NCKAP5: variants seen among roughly 807,000 people sequenced by gnomAD.
The protein encoded by NCKAP5 is nck-associated protein 5.
In NCKAP5, 92 loss-of-function variants were observed where a neutral mutation model predicts 167.0. That is an observed-to-expected ratio of 0.55 (90% confidence interval 0.47 to 0.66). NCKAP5 has a LOEUF of 0.66. Ranked by LOEUF, NCKAP5 falls within the 30% of genes least tolerant of loss-of-function variation. The pLI is 0.00. For synonymous variants in NCKAP5, 891 were observed against 877.4 expected (o/e 1.02, Z -0.27); for missense variants, 2,378 against 2,315.0 (o/e 1.03, Z -0.56).
chr2:132,717,093 T>C (rs765607575), intron 19 of NCKAP5, among the ~76,000 whole-genome samples: 8 of 152,330 alleles, frequency 5.3e-5, no homozygotes, highest in Non-Finnish European at 1.0e-4. Context: ...TTGAGACCCC[T>C]GGTTCTGGCA....
intron 8 of NCKAP5, among the ~76,000 whole-genome samples, chr2:132,921,571 G>C (rs1191002401): frequency 1.3e-5 from 2 of 152,124 alleles, no homozygotes; most frequent in African/African-American, 4.8e-5. Flanking sequence ...GCACAGGAGG[G>C]ATATCTAACC....
intron 3 of NCKAP5, among the ~76,000 whole-genome samples, chr2:133,423,391 T>TCA (rs1689602926): frequency 6.6e-6 from 1 of 152,186 alleles, no homozygotes; most frequent in African/African-American, 2.4e-5. Context: ...TCGCATTGAA[T>TCA]GTTGAATCGT....
intron 8 of NCKAP5, among the ~76,000 whole-genome samples, chr2:132,928,840 C>A (rs1696127013): frequency 6.6e-6 from 1 of 152,048 alleles, no homozygotes; most frequent in South Asian, 2.1e-4. Flanking sequence ...AACTTCAAGA[C>A]TCCTACGTGG....
intron 4 of NCKAP5, among the ~76,000 whole-genome samples, chr2:133,276,470 T>C (rs1284372121): frequency 2.0e-5 from 3 of 151,882 alleles, no homozygotes. Flanking sequence ...TGGAAAAAAC[T>C]TGAAAACATG....
chr2:132,971,740 T>G (rs141224773), intron 7 of NCKAP5, among the ~76,000 whole-genome samples: 1 of 152,218 alleles, frequency 6.6e-6, no homozygotes, highest in Non-Finnish European at 1.5e-5. Flanking sequence ...AACATTTCCT[T>G]ATTTCAATGT....
intron 5 of NCKAP5, among the ~76,000 whole-genome samples, chr2:133,134,672 T>C (rs2082725994): frequency 6.6e-6 from 1 of 152,206 alleles, no homozygotes. Context: ...AGAATGATCT[T>C]GTCTATACCT....
At chr2:133,230,999 T>C (rs893337579) in intron 4 of NCKAP5, among the ~76,000 whole-genome samples, 5 of 152,176 alleles carry the variant, frequency 3.3e-5, no homozygotes, top group African/African-American at 1.2e-4. Flanking sequence ...ATTCCAAATA[T>C]GTTGTAATGA....
At chr2:133,611,674 G>T in the NCKAP5 span, among the ~76,000 whole-genome samples, 1 of 152,164 alleles carries the variant, frequency 6.6e-6, no homozygotes, top group African/African-American at 2.4e-5. Flanking sequence ...AAGGCTGGGT[G>T]GGGTGTGGCA....
chr2:133,322,064 A>G (rs984790242), intron 3 of NCKAP5, among the ~76,000 whole-genome samples: 7 of 152,176 alleles, frequency 4.6e-5, no homozygotes, highest in African/African-American at 1.7e-4. Flanking sequence ...TTCGTCTCAT[A>G]AGTCATTCTG....
rs141976616 is a variant in NCKAP5 at position 133,371,184 on chromosome 2, G to A, written c.70-68074C>T. ...AGTCCCAAATAACAGAGAATCTGCT[G>A]GATTTGCACCAACAAATTTTTGTGC... On this transcript the variant is annotated intron_variant, in intron 3 of 19. Transcript: ENST00000409261. Among the ~76,000 whole-genome samples, 1,338 of 152,250 alleles carry A rather than the reference G, an allele frequency of 8.8e-3. 7 individuals are homozygous for A. The highest frequency in any genetic ancestry group is 0.014 in the Non-Finnish European group (979 of 68,018).
At chr2:132,751,402 A>G (rs576425691) in intron 16 of NCKAP5, among the ~76,000 whole-genome samples, 14 of 152,280 alleles carry the variant, frequency 9.2e-5, no homozygotes, top group Non-Finnish European at 1.6e-4. Flanking sequence ...ACCACAAGCC[A>G]AATAAACCTG....
At chr2:132,700,968 C>A (rs1322104555) in intron 19 of NCKAP5, among the ~76,000 whole-genome samples, 1 of 151,492 alleles carries the variant, frequency 6.6e-6, no homozygotes, top group African/African-American at 2.4e-5. Flanking sequence ...ATAGGGATAT[C>A]CATCCAAGAA....
upstream of NCKAP5, among the ~76,000 whole-genome samples, chr2:133,571,124 C>T (rs13002374): frequency 0.49 from 75,151 of 152,006 alleles, 19,411 homozygotes; most frequent in South Asian, 0.59. Flanking sequence ...TCTTGTCTTA[C>T]TTCATAGTGA....
intron 8 of NCKAP5, among the ~76,000 whole-genome samples, chr2:132,935,543 C>A (rs1382023447): frequency 6.6e-6 from 1 of 151,762 alleles, no homozygotes; most frequent in Non-Finnish European, 1.5e-5. Context: ...GGAGCAAAAG[C>A]AAAGGGGTAG....
chr2:133,132,853 T>G (rs1297842401), intron 5 of NCKAP5, among the ~76,000 whole-genome samples: 1 of 151,976 alleles, frequency 6.6e-6, no homozygotes, highest in Non-Finnish European at 1.5e-5. Flanking sequence ...ATTTTTTGTA[T>G]TTTTAGTAGA....
intron 3 of NCKAP5, among the ~76,000 whole-genome samples, chr2:133,306,747 A>G (rs1006991213): frequency 3.3e-5 from 5 of 152,212 alleles, no homozygotes; most frequent in Non-Finnish European, 7.3e-5. Context: ...TGCTTCAGAG[A>G]AAGCAGGCAA....
chr2:133,161,092 T>A (rs192747103), intron 5 of NCKAP5, among the ~76,000 whole-genome samples: 1 of 152,116 alleles, frequency 6.6e-6, no homozygotes, highest in East Asian at 1.9e-4. Flanking sequence ...GGAGTGCAAA[T>A]CCTATTGTGA....
At chr2:133,009,984 T>C (rs991140632) in intron 6 of NCKAP5, among the ~76,000 whole-genome samples, 3 of 151,402 alleles carry the variant, frequency 2.0e-5, no homozygotes, top group Non-Finnish European at 4.4e-5. Context: ...GGCAGGAGAA[T>C]GGCGTGAACC....
At chr2:133,674,076 T>C in the NCKAP5 span, among the ~76,000 whole-genome samples, 1 of 152,188 alleles carries the variant, frequency 6.6e-6, no homozygotes, top group African/African-American at 2.4e-5. Flanking sequence ...CAACTGCACC[T>C]GCCTCCTTAA....
Sources: gnomAD v4.1 joint callset for allele counts (sites outside exome capture counted in the v4.1 genomes callset) on GRCh38, gnomAD v4.1.1 for gene constraint, MANE v1.5 for transcripts, NCBI Gene and HGNC (gene_info 2026-07-23, HGNC 2026-07-21) for gene names.